Variants in DHRS4L2 observed in about 807,000 individuals in gnomAD.
DHRS4L2 encodes dehydrogenase/reductase SDR family member 4-like 2.
DHRS4L2 carries 22 observed loss-of-function variants against 23.9 expected under a neutral mutation model. That is an observed-to-expected ratio of 0.92 (90% CI 0.66 to 1.31). The LOEUF (loss-of-function observed/expected upper bound fraction) is 1.31, where lower values mean the gene tolerates loss of function less well. DHRS4L2 is among the 40% of genes most tolerant of loss of function. The pLI, the probability that DHRS4L2 is intolerant of heterozygous loss-of-function variation, is 0.00. For synonymous variants in DHRS4L2, 141 were observed against 123.7 expected (o/e 1.14, Z -0.93); for missense variants, 385 against 303.3 (o/e 1.27, Z -2.00).
rs560467994 is a variant in DHRS4L2, at chr14:23,973,035, G to A, written c.-176+2703G>A. ...TTCAGAATTGAACAAATGTACAATC[G>A]GGATTTATACCGAGACATTTAGTTC... is the stretch of plus-strand genomic sequence containing the variant. On this transcript the variant is annotated intron_variant, in intron 1 of 5. Transcript: ENST00000534993. 2.1e-4 allele frequency among the ~76,000 whole-genome samples: 32 copies of A among 151,986 alleles called. No homozygotes were observed. The South Asian group carries it at 2.3e-3, about 11-fold the overall frequency.
intron 1 of DHRS4L2, among the ~76,000 whole-genome samples, chr14:23,971,976 C>A (rs1382327959): frequency 6.6e-6 from 1 of 152,036 alleles, no homozygotes; most frequent in Non-Finnish European, 1.5e-5. Flanking sequence ...TCACATATAA[C>A]AATACTAACC....
At chr14:23,979,095 G>A (rs1329647602) in intron 1 of DHRS4L2, among the ~76,000 whole-genome samples, 1 of 144,898 alleles carries the variant, frequency 6.9e-6, no homozygotes, top group Non-Finnish European at 1.5e-5. Flanking sequence ...TAAAGGGATG[G>A]AGGAATATTT....
chr14:23,998,149 G>C (rs1472627623), intron 3 of DHRS4L2, among the ~76,000 whole-genome samples: 2 of 151,970 alleles, frequency 1.3e-5, no homozygotes, highest in African/African-American at 2.4e-5. Context: ...ATCTTTTTCT[G>C]AGCAGTAGCC....
intron 2 of DHRS4L2, among the ~76,000 whole-genome samples, chr14:23,992,433 G>A (rs2034288852): frequency 6.6e-6 from 1 of 151,584 alleles, no homozygotes; most frequent in Non-Finnish European, 1.5e-5. Flanking sequence ...AATTTGAAAT[G>A]TCTTCTGCCA....
intron 2 of DHRS4L2, among the ~76,000 whole-genome samples, chr14:23,993,259 G>C (rs1310591920): frequency 6.6e-6 from 1 of 151,634 alleles, no homozygotes; most frequent in Admixed American, 6.6e-5. Flanking sequence ...TTTGTGCCAG[G>C]ATGCCAAAAT....
At position 24,000,954 on chromosome 14, in the gene DHRS4L2, C is replaced by G. The variant is rs757474367; in HGVS notation, c.479+21C>G. 6.2e-6 allele frequency: 10 copies of G among 1,611,290 alleles called. No homozygotes were observed. The Admixed American group carries it at 1.5e-4, about 24-fold the overall frequency. ...CGAGGGTACAGAGAGTGAGAGAGAGCCTGGGTGAGAGGGGACCCCACACAG... is the reference window on the plus strand; with the variant it reads ...CGAGGGTACAGAGAGTGAGAGAGAGGCTGGGTGAGAGGGGACCCCACACAG... On this transcript the variant is annotated intron_variant, in intron 4 of 7. Coordinates refer to ENST00000335125, the MANE Select transcript of DHRS4L2 (RefSeq NM_198083.4).
At chr14:23,997,010 T>C (rs1452704555) in intron 3 of DHRS4L2, among the ~76,000 whole-genome samples, 1 of 150,734 alleles carries the variant, frequency 6.6e-6, no homozygotes, top group Non-Finnish European at 1.5e-5. Flanking sequence ...AAGTCAGTTT[T>C]AAACTAAGTA....
intron 5 of DHRS4L2, 27 bp from the exon 6 acceptor site, chr14:24,001,357 G>T: frequency 6.3e-7 from 1 of 1,599,028 alleles, no homozygotes; most frequent in South Asian, 1.1e-5. Context: ...GAAACTATGA[G>T]TCTAACACAT....
chr14:24,005,855 T>C (rs749338113), intron 7 of DHRS4L2, 31 bp from the exon 8 acceptor site: 1 of 1,609,792 alleles, frequency 6.2e-7, no homozygotes, highest in Non-Finnish European at 8.5e-7. Flanking sequence ...GTTTGATTTT[T>C]ACCTCCTTCC....
At chr14:23,988,177 T>C (rs973669471), upstream of DHRS4L2, among the ~76,000 whole-genome samples, 7 of 150,688 alleles carry the variant, frequency 4.6e-5, no homozygotes, top group African/African-American at 1.7e-4. Flanking sequence ...GGCTAAGACC[T>C]GGGGACAGAG....
intron 1 of DHRS4L2, among the ~76,000 whole-genome samples, chr14:23,974,117 T>A (rs2033920517): frequency 6.6e-6 from 1 of 151,760 alleles, no homozygotes; most frequent in Non-Finnish European, 1.5e-5. Context: ...CACAACTACA[T>A]GGAAACTGAA....
upstream of DHRS4L2, among the ~76,000 whole-genome samples, chr14:23,986,818 C>A (rs547461450): frequency 1.3e-3 from 197 of 151,606 alleles, 5 homozygotes; most frequent in African/African-American, 4.6e-3. Flanking sequence ...CCCAGCCCCA[C>A]ACAGATGGAG....
intron 2 of DHRS4L2, among the ~76,000 whole-genome samples, chr14:23,993,030 C>T (rs1401050963): frequency 2.7e-4 from 40 of 148,184 alleles, no homozygotes; most frequent in Non-Finnish European, 7.5e-5. Context: ...ACCCAGCCTC[C>T]TCCCATCTCT....
At chr14:23,970,958 T>C (rs960038893) in intron 1 of DHRS4L2, among the ~76,000 whole-genome samples, 17 of 152,050 alleles carry the variant, frequency 1.1e-4, no homozygotes, top group Non-Finnish European at 1.9e-4. Flanking sequence ...AACATCAGAA[T>C]AGCAAAGGAC....
chr14:23,989,529 CTT>C (rs1566493930), intron 1 of DHRS4L2, among the ~76,000 whole-genome samples: 1 of 151,470 alleles, frequency 6.6e-6, no homozygotes, highest in Non-Finnish European at 1.5e-5. Context: ...TGTGTCGAGA[CTT>C]TTTTTTAGGT....
Position 24,004,382 on chromosome 14 carries a change from C to A in DHRS4L2, c.*12C>A, listed in dbSNP as rs777766984. 7 of 1,602,882 alleles carry A rather than the reference C, an allele frequency of 4.4e-6. No individual in the cohort carries two copies. The highest frequency in any genetic ancestry group is 1.7e-4 in the Middle Eastern group (1 of 6,036). On this transcript the variant is annotated 3_prime_UTR_variant, in exon 7 of 8. Transcript: ENST00000335125. Reference sequence around the variant, plus strand: ...AGAGGAAAGCATGAAAGAAACCCTGCGGATAAGAAGGTAAACTGTCATGAG... The same window carrying A: ...AGAGGAAAGCATGAAAGAAACCCTGAGGATAAGAAGGTAAACTGTCATGAG...
At chr14:23,980,840 C>T (rs1273898822) in intron 1 of DHRS4L2, among the ~76,000 whole-genome samples, 1 of 151,624 alleles carries the variant, frequency 6.6e-6, no homozygotes, top group East Asian at 1.9e-4. Context: ...AGACCCACAG[C>T]CAACATCATA....
chr14:23,982,973 CAA>C (rs2034079342), intron 1 of DHRS4L2, among the ~76,000 whole-genome samples: 1 of 151,416 alleles, frequency 6.6e-6, no homozygotes, highest in Non-Finnish European at 1.5e-5. Flanking sequence ...CGGGTATGGG[CAA>C]AGACTTCATA....
At chr14:23,976,957 G>A (rs1188831551) in intron 1 of DHRS4L2, among the ~76,000 whole-genome samples, 2 of 150,748 alleles carry the variant, frequency 1.3e-5, no homozygotes, top group East Asian at 4.0e-4. Context: ...TCTGTTGGGG[G>A]CTGGGGGGCT....
Sources: gnomAD v4.1 joint callset for allele counts (sites outside exome capture counted in the v4.1 genomes callset) on GRCh38, gnomAD v4.1.1 for gene constraint, MANE v1.5 for transcripts, NCBI Gene and HGNC (gene_info 2026-07-23, HGNC 2026-07-21) for gene names.